Variants in POPDC1 observed in about 807,000 individuals in gnomAD.
The protein encoded by POPDC1 is popeye domain-containing protein 1.
the POPDC1 span, chr6:105,133,397 T>C: frequency 1.9e-6 from 3 of 1,613,458 alleles, no homozygotes; most frequent in African/African-American, 2.7e-5. Flanking sequence ...AGGTGAAGAG[T>C]AGTTGGAATA....
the POPDC1 span, among the ~76,000 whole-genome samples, chr6:105,132,848 C>A: frequency 6.6e-6 from 1 of 152,182 alleles, no homozygotes; most frequent in Non-Finnish European, 1.5e-5. Context: ...CAGCAAATAT[C>A]TTTTCAAGTA....
the POPDC1 span, chr6:105,125,525 G>T: frequency 6.2e-7 from 1 of 1,614,108 alleles, no homozygotes; most frequent in Non-Finnish European, 8.5e-7. Flanking sequence ...GAGGCACACG[G>T]AGTGGTTCAA....
At chr6:105,105,964 T>C in the POPDC1 span, among the ~76,000 whole-genome samples, 3 of 152,242 alleles carry the variant, frequency 2.0e-5, no homozygotes, top group African/African-American at 7.2e-5. Flanking sequence ...AATAATTTCA[T>C]ATCCATAAAT....
At chr6:105,110,966 G>GT in the POPDC1 span, among the ~76,000 whole-genome samples, 6 of 152,218 alleles carry the variant, frequency 3.9e-5, no homozygotes, top group African/African-American at 1.4e-4. Context: ...GATTATAGGT[G>GT]TAAGCCAGTG....
the POPDC1 span, among the ~76,000 whole-genome samples, chr6:105,132,290 A>C: frequency 6.6e-6 from 1 of 152,196 alleles, no homozygotes; most frequent in East Asian, 1.9e-4. Context: ...AGCACAATGC[A>C]CTACTCTACG....
the POPDC1 span, among the ~76,000 whole-genome samples, chr6:105,106,320 C>G: frequency 3.3e-5 from 5 of 152,192 alleles, no homozygotes; most frequent in Non-Finnish European, 4.4e-5. Context: ...CGAGAAGGTG[C>G]AGCCAGTGGA....
the POPDC1 span, among the ~76,000 whole-genome samples, chr6:105,110,139 A>C: frequency 6.6e-6 from 1 of 152,292 alleles, no homozygotes; most frequent in Admixed American, 6.5e-5. Context: ...TCATATTCCT[A>C]AGCCTAAAAA....
the POPDC1 span, among the ~76,000 whole-genome samples, chr6:105,133,745 T>A: frequency 2.0e-5 from 3 of 152,192 alleles, no homozygotes; most frequent in Non-Finnish European, 4.4e-5. Context: ...CTCTGTCACA[T>A]ATTAAATGTA....
the POPDC1 span, among the ~76,000 whole-genome samples, chr6:105,112,032 T>G: frequency 6.6e-6 from 1 of 152,248 alleles, no homozygotes; most frequent in East Asian, 1.9e-4. Flanking sequence ...GGTGGGAAAT[T>G]CTACAGCTTT....
the POPDC1 span, chr6:105,115,956 G>GTATTC: frequency 3.9e-6 from 3 of 773,800 alleles, no homozygotes; most frequent in Non-Finnish European, 5.7e-6. Context: ...TACATATTAG[G>GTATTC]TGGCCAATAA....
chr6:105,106,570 G>A, the POPDC1 span, among the ~76,000 whole-genome samples: 6 of 152,248 alleles, frequency 3.9e-5, no homozygotes, highest in African/African-American at 1.4e-4. Context: ...TTCAGATACG[G>A]CCAGCAGAGT....
At chr6:105,129,460 G>A in the POPDC1 span, 30 of 1,612,596 alleles carry the variant, frequency 1.9e-5, no homozygotes, top group Non-Finnish European at 2.5e-5. Context: ...TTATATCCAA[G>A]GCACATCGGT....
At chr6:105,109,061 A>G in the POPDC1 span, among the ~76,000 whole-genome samples, 3 of 152,162 alleles carry the variant, frequency 2.0e-5, no homozygotes, top group Non-Finnish European at 4.4e-5. Context: ...CCTCGGGCTC[A>G]GGTGTCCTCA....
At chr6:105,128,229 C>T in the POPDC1 span, among the ~76,000 whole-genome samples, 14 of 152,362 alleles carry the variant, frequency 9.2e-5, no homozygotes, top group East Asian at 2.5e-3. Flanking sequence ...CATCCCCTTA[C>T]TCCACCCCAT....
At chr6:105,102,375 A>T in the POPDC1 span, among the ~76,000 whole-genome samples, 128,233 of 152,200 alleles carry the variant, frequency 0.84, 55,196 homozygotes, top group Non-Finnish European at 0.92. Context: ...CACAGGGAGA[A>T]TGCCACAACC....
chr6:105,106,809 G>A, the POPDC1 span, among the ~76,000 whole-genome samples: 1 of 151,836 alleles, frequency 6.6e-6, no homozygotes, highest in Non-Finnish European at 1.5e-5. Context: ...CTTTTTTTTA[G>A]TATAAAATAT....
At chr6:105,109,763 C>CAAAAAAAAAAAAAAAAA in the POPDC1 span, among the ~76,000 whole-genome samples, 222 of 22,828 alleles carry the variant, frequency 9.7e-3, 54 homozygotes, top group South Asian at 0.014. Flanking sequence ...GACCCTTTCT[C>CAAAAAAAAAAAAAAAAA]AAAAAAAAAA....
chr6:105,098,249 GGA>G, the POPDC1 span: 1 of 152,104 alleles, frequency 6.6e-6, no homozygotes, highest in Non-Finnish European at 1.5e-5. Context: ...GTACTCCATA[GGA>G]GATCTTACAC....
chr6:105,133,003 A>G, the POPDC1 span, among the ~76,000 whole-genome samples: 6 of 152,218 alleles, frequency 3.9e-5, no homozygotes, highest in African/African-American at 1.4e-4. Context: ...CTGAGGCAGT[A>G]GAAAGATTAA....
Sources: gnomAD v4.1 joint callset for allele counts (sites outside exome capture counted in the v4.1 genomes callset) on GRCh38, gnomAD v4.1.1 for gene constraint, MANE v1.5 for transcripts, NCBI Gene and HGNC (gene_info 2026-07-23, HGNC 2026-07-21) for gene names.